TDRD9: variants seen among roughly 807,000 people sequenced by gnomAD.
TDRD9 encodes ATP-dependent RNA helicase TDRD9.
Under a neutral mutation model 172.6 loss-of-function variants are expected in TDRD9, and 124 were observed. That is an observed-to-expected ratio of 0.72 (90% CI 0.62 to 0.83). The LOEUF (loss-of-function observed/expected upper bound fraction) is 0.83, where lower values mean the gene tolerates loss of function less well. TDRD9 is among the 40% of genes least tolerant of loss of function. The probability of loss-of-function intolerance (pLI) is 0.00; values close to 1 mark genes in which losing one functional copy is unlikely to be tolerated. For synonymous variants in TDRD9, 619 were observed against 617.1 expected (o/e 1.00, Z -0.05); for missense variants, 1,479 against 1,714.1 (o/e 0.86, Z 2.42).
chr14:104,031,081 C>T, intron 28 of TDRD9, 27 bp from the exon 29 acceptor site: 3 of 1,539,578 alleles, frequency 1.9e-6, no homozygotes, highest in Non-Finnish European at 2.6e-6. Context: ...TTTCTTTTAA[C>T]AAAACAAACT....
At chr14:103,942,562 T>G (rs145975855) in intron 1 of TDRD9, among the ~76,000 whole-genome samples, 40 of 152,338 alleles carry the variant, frequency 2.6e-4, no homozygotes, top group African/African-American at 9.6e-4. Context: ...TGTGCATAGC[T>G]GTAGGTCACA....
chr14:103,967,892 T>C (rs867017019), intron 5 of TDRD9, among the ~76,000 whole-genome samples: 28 of 152,234 alleles, frequency 1.8e-4, no homozygotes, highest in Non-Finnish European at 1.0e-4. Flanking sequence ...GTAATAGTTA[T>C]TCATTGGGCT....
intron 7 of TDRD9, among the ~76,000 whole-genome samples, chr14:103,985,754 GT>G (rs2033637881): frequency 6.6e-6 from 1 of 152,336 alleles, no homozygotes; most frequent in African/African-American, 2.4e-5. Flanking sequence ...TGACGTTACA[GT>G]TTTCTGGTAC....
At chr14:104,029,229 G>A (rs1186963695) in intron 28 of TDRD9, among the ~76,000 whole-genome samples, 1 of 152,126 alleles carries the variant, frequency 6.6e-6, no homozygotes, top group Non-Finnish European at 1.5e-5. Flanking sequence ...AATGTCATTG[G>A]TATTTTGATT....
intron 1 of TDRD9, chr14:103,941,398 T>G (rs533944623): frequency 6.5e-7 from 1 of 1,531,124 alleles, no homozygotes; most frequent in East Asian, 2.4e-5. Flanking sequence ...TATTTTTACC[T>G]GCTGAGAATA....
intron 2 of TDRD9, among the ~76,000 whole-genome samples, chr14:103,961,170 C>T (rs2032490916): frequency 6.6e-6 from 1 of 152,084 alleles, no homozygotes; most frequent in African/African-American, 2.4e-5. Flanking sequence ...AACAAGAAGG[C>T]ATCAGTAATT....
chr14:103,961,037 T>G (rs1382905716), intron 2 of TDRD9, among the ~76,000 whole-genome samples: 4 of 152,140 alleles, frequency 2.6e-5, no homozygotes, highest in Non-Finnish European at 4.4e-5. Context: ...GCCTCTCCCT[T>G]TGTCTGCATG....
In TDRD9 at chr14:104,005,258, G is replaced by T. The variant is rs1430235026; in HGVS notation, c.1582-16G>T. 2 of 1,613,052 alleles carry T rather than the reference G, an allele frequency of 1.2e-6. No homozygotes were observed. The highest frequency in any genetic ancestry group is 2.2e-5 in the East Asian group (1 of 44,872). ...GTTATGTTATTATTTCTAATCTCAGGCTTGTTTCTTTTCAGCGTTGTCCAT... is the reference window on the plus strand; with the variant it reads ...GTTATGTTATTATTTCTAATCTCAGTCTTGTTTCTTTTCAGCGTTGTCCAT... On this transcript the variant is annotated splice_polypyrimidine_tract_variant and intron_variant, in intron 14 of 35. Transcript: ENST00000409874.
chr14:104,019,477 A>C (rs961360438), intron 23 of TDRD9, among the ~76,000 whole-genome samples: 1 of 151,894 alleles, frequency 6.6e-6, no homozygotes, highest in Admixed American at 6.6e-5. Context: ...CCTTTTTTAT[A>C]GGTGTTTATA....
intron 25 of TDRD9, 69 bp downstream of exon 25, chr14:104,024,749 TACACACACACACACACACACACAC>T (rs60394937): frequency 4.8e-5 from 21 of 434,998 alleles, no homozygotes; most frequent in Admixed American, 1.4e-4. Flanking sequence ...ACAGGAAGTT[TACACACACACACACACACACACAC>T]ACACACACAC....
intron 5 of TDRD9, among the ~76,000 whole-genome samples, chr14:103,969,098 TAA>T (rs551879850): frequency 1.1e-5 from 1 of 91,772 alleles, no homozygotes. Context: ...AGACTCTGTG[TAA>T]AAAAAAAAAA....
rs970860393 is a variant in TDRD9, at chr14:104,034,001, T to C, written c.3551T>C (p.Ile1184Thr). Residue 1184 changes from isoleucine to threonine, a missense_variant, in exon 31 of 36, where the codon ATC becomes ACC. By Grantham distance (89) the Ile-to-Thr change is moderately conservative (BLOSUM62 -1). Transcript: ENST00000409874. ...AAGGAGAGCATCAACTCTGTCATTA[T>C]CAGTGACGCCCCTGAAGACCTTCAC... The part of the protein sequence containing the change: ...IEKESINSVI[I>T]SDAPEDLHQR... 3.2e-6 allele frequency: 5 copies of C among 1,551,612 alleles called. No individual in the cohort carries two copies. In the African/African-American group the frequency reaches 5.5e-5, roughly 17 times the overall value.
intron 8 of TDRD9, among the ~76,000 whole-genome samples, chr14:103,988,385 G>C (rs553130148): frequency 1.3e-5 from 2 of 152,244 alleles, no homozygotes; most frequent in South Asian, 4.2e-4. Flanking sequence ...TGTTGGCCAG[G>C]ATGGTCTTGA....
intron 5 of TDRD9, 42 bp downstream of exon 5, chr14:103,966,873 C>A: frequency 6.6e-7 from 1 of 1,508,466 alleles, no homozygotes. Context: ...ATTTATCTCT[C>A]TTAAAAAAAC....
intron 28 of TDRD9, among the ~76,000 whole-genome samples, chr14:104,030,455 C>T (rs924049496): frequency 4.6e-5 from 7 of 152,182 alleles, no homozygotes; most frequent in South Asian, 2.1e-4. Context: ...TGCGCCATTG[C>T]ACTCCAGCCT....
chr14:104,024,515 G>T, intron 24 of TDRD9, 54 bp from the exon 25 acceptor site: 1 of 953,706 alleles, frequency 1.0e-6, no homozygotes, highest in Admixed American at 2.1e-5. Context: ...ATATGTAAAT[G>T]TGTTTTCTTT....
At chr14:103,943,454 A>G (rs1042784297) in intron 1 of TDRD9, among the ~76,000 whole-genome samples, 18 of 150,416 alleles carry the variant, frequency 1.2e-4, no homozygotes, top group African/African-American at 4.4e-4. Context: ...TGTATTATAT[A>G]TGTATATATA....
intron 11 of TDRD9, among the ~76,000 whole-genome samples, chr14:103,995,373 C>T (rs1307957900): frequency 6.6e-6 from 1 of 152,178 alleles, no homozygotes; most frequent in Non-Finnish European, 1.5e-5. Flanking sequence ...TCTCTAGGAG[C>T]AGCCTTGGGT....
rs755453608 is a variant in TDRD9, at chr14:104,034,064, C to T, written c.3614C>T (p.Ala1205Val). 1.3e-5 allele frequency: 20 copies of T among 1,543,854 alleles called. No homozygotes were observed. Among genetic ancestry groups the T allele is most frequent in the African/African-American group, 8.2e-5 (6 of 72,776 alleles). Residue 1205 changes from alanine (A) to valine (V), a missense_variant, in exon 31 of 36, where the codon GCG (alanine) becomes GTG (valine). Coordinates refer to ENST00000409874, the MANE Select transcript of TDRD9 (RefSeq NM_153046.3). ...GTTGCAGCTTCCCTTTCCATCAATG[C>T]GACTGGTAATTTAAAGATCCTGTTT... ...MLVAASLSIN[A>V]TGSTMLLRET...
Sources: allele counts gnomAD v4.1 joint callset (sites outside exome capture counted in the v4.1 genomes callset), GRCh38; gene constraint gnomAD v4.1.1; transcripts MANE v1.5; gene names NCBI Gene and HGNC (gene_info 2026-07-23, HGNC 2026-07-21).